GREB1L: variants seen among roughly 807,000 people sequenced by gnomAD.
The protein encoded by GREB1L is GREB1 like retinoic acid receptor coactivator, also known as GREB1-like protein.
Under a neutral mutation model 200.8 loss-of-function variants are expected in GREB1L, and 17 were observed. The observed-to-expected ratio is 0.08, with a 90% CI of 0.06 to 0.13. The LOEUF (loss-of-function observed/expected upper bound fraction) is 0.13. GREB1L is among the 10% of genes least tolerant of loss of function. The pLI is 1.00. For synonymous variants in GREB1L, 789 were observed against 893.0 expected, an observed-to-expected ratio of 0.88 and a Z score of 2.08; for missense variants, 1,657 against 2,367.7, an observed-to-expected ratio of 0.70 and a Z score of 6.23.
At chr18:21,274,327 C>T (rs1555623931) in intron 1 of GREB1L, among the ~76,000 whole-genome samples, 1 of 152,168 alleles carries the variant, frequency 6.6e-6, no homozygotes, top group Non-Finnish European at 1.5e-5. Flanking sequence ...AGGATTTCAA[C>T]ATATGAATTT....
intron 1 of GREB1L, among the ~76,000 whole-genome samples, chr18:21,347,739 G>GCCACCATGC (rs1352095644): frequency 2.0e-5 from 3 of 147,308 alleles, no homozygotes; most frequent in Non-Finnish European, 4.5e-5. Context: ...TTAGGCGTGA[G>GCCACCATGC]CCACCATGCC....
chr18:21,358,749 A>G (rs1343388654), intron 1 of GREB1L, among the ~76,000 whole-genome samples: 2 of 152,262 alleles, frequency 1.3e-5, no homozygotes, highest in African/African-American at 2.4e-5. Context: ...TACACTGCTC[A>G]GGTGACGGGT....
At chr18:21,419,791 G>C (rs2031990166) in intron 7 of GREB1L, among the ~76,000 whole-genome samples, 1 of 152,166 alleles carries the variant, frequency 6.6e-6, no homozygotes, top group African/African-American at 2.4e-5. Flanking sequence ...ATGCAATGAA[G>C]AACGGATAGC....
chr18:21,329,956 A>G (rs1265955713), intron 1 of GREB1L, among the ~76,000 whole-genome samples: 3 of 115,286 alleles, frequency 2.6e-5, no homozygotes, highest in Middle Eastern at 4.2e-3. Context: ...TTTACCCACA[A>G]TGGTTTTTTT....
At chr18:21,257,119 A>G (rs1025712736) in intron 1 of GREB1L, among the ~76,000 whole-genome samples, 5 of 151,862 alleles carry the variant, frequency 3.3e-5, no homozygotes, top group African/African-American at 9.7e-5. Flanking sequence ...ATTAGTTGCT[A>G]CTATGCCCGG....
chr18:21,384,348 C>T lies in GREB1L; in HGVS notation c.300C>T (p.Ser100=), dbSNP rs1486350698. 2.6e-6 allele frequency: 4 copies of T among 1,551,652 alleles called. No individual in the cohort carries two copies. Among genetic ancestry groups the T allele is most frequent in the Non-Finnish European group, 3.5e-6 (4 of 1,146,946 alleles). The change falls in exon 4 of 33, where the codon AGC becomes AGT. Residue 100 remains serine (S), a synonymous_variant. Transcript: ENST00000424526. ...ATGAAGAAATGTCTGATTCAAACAG[C>T]CCACCAATTCCCTATTCACAAAAAC... ...EDDEEMSDSN[S]PPIPYSQKPA...
intron 1 of GREB1L, among the ~76,000 whole-genome samples, chr18:21,338,165 A>T (rs939289836): frequency 6.6e-6 from 1 of 152,094 alleles, no homozygotes; most frequent in African/African-American, 2.4e-5. Flanking sequence ...TATTTTCTTA[A>T]TCCATCAACC....
chr18:21,340,306 G>C (rs2039249356), intron 1 of GREB1L, among the ~76,000 whole-genome samples: 1 of 152,002 alleles, frequency 6.6e-6, no homozygotes, highest in Admixed American at 6.5e-5. Flanking sequence ...TGTAGTCCCA[G>C]CTACTTGGGA....
At chr18:21,295,400 C>G (rs149288529) in intron 1 of GREB1L, among the ~76,000 whole-genome samples, 1 of 152,232 alleles carries the variant, frequency 6.6e-6, no homozygotes, top group Non-Finnish European at 1.5e-5. Flanking sequence ...TGGACAGAGG[C>G]TTTGCTTTTC....
At chr18:21,428,710 C>CAA (rs2032861755) in intron 7 of GREB1L, among the ~76,000 whole-genome samples, 1 of 49,926 alleles carries the variant, frequency 2.0e-5, no homozygotes, top group Non-Finnish European at 3.2e-5. Flanking sequence ...CGGTTTATCT[C>CAA]TTTTTTTTTT....
intron 19 of GREB1L, among the ~76,000 whole-genome samples, chr18:21,494,622 A>G (rs2036473091): frequency 1.3e-5 from 2 of 152,154 alleles, no homozygotes; most frequent in Admixed American, 1.3e-4. Context: ...CTGTCTAAAA[A>G]AAAAAAAAAT....
At chr18:21,503,386 T>C (rs983586185) in intron 23 of GREB1L, among the ~76,000 whole-genome samples, 22 of 151,746 alleles carry the variant, frequency 1.4e-4, no homozygotes, top group Admixed American at 8.5e-4. Context: ...TTTGTATTTT[T>C]AGTAGAGGTG....
At chr18:21,330,296 G>T (rs1303504618) in intron 1 of GREB1L, among the ~76,000 whole-genome samples, 1 of 152,166 alleles carries the variant, frequency 6.6e-6, no homozygotes, top group Non-Finnish European at 1.5e-5. Context: ...TTTTCACAGG[G>T]TGCGTCCAGA....
At chr18:21,281,670 C>T (rs1394545745) in intron 1 of GREB1L, among the ~76,000 whole-genome samples, 1 of 152,258 alleles carries the variant, frequency 6.6e-6, no homozygotes, top group East Asian at 1.9e-4. Flanking sequence ...TGTATGAATA[C>T]ATAACATGAT....
chr18:21,250,187 G>T (rs1253264070), intron 1 of GREB1L, among the ~76,000 whole-genome samples: 1 of 152,102 alleles, frequency 6.6e-6, no homozygotes, highest in Non-Finnish European at 1.5e-5. Flanking sequence ...TGGGGGATTA[G>T]GTCAGAGAGG....
intron 1 of GREB1L, among the ~76,000 whole-genome samples, chr18:21,326,897 G>C (rs2039031054): frequency 6.6e-6 from 1 of 152,050 alleles, no homozygotes. Context: ...GGCACATGAA[G>C]CCTTTTGGTA....
At chr18:21,305,403 T>A (rs1488345842) in intron 1 of GREB1L, among the ~76,000 whole-genome samples, 1 of 152,220 alleles carries the variant, frequency 6.6e-6, no homozygotes, top group East Asian at 1.9e-4. Flanking sequence ...TCATTCTTGC[T>A]TGTCTCCATT....
At chr18:21,302,007 T>G (rs182717194) in intron 1 of GREB1L, among the ~76,000 whole-genome samples, 41 of 152,364 alleles carry the variant, frequency 2.7e-4, no homozygotes, top group African/African-American at 9.4e-4. Context: ...ATAGATACCC[T>G]GGTAGACATA....
intron 1 of GREB1L, among the ~76,000 whole-genome samples, chr18:21,249,374 G>A (rs1190498377): frequency 6.6e-6 from 1 of 152,114 alleles, no homozygotes; most frequent in African/African-American, 2.4e-5. Context: ...GCCCCATCCC[G>A]AGCTTACTGA....
Sources: allele counts gnomAD v4.1 joint callset (sites outside exome capture counted in the v4.1 genomes callset), GRCh38; gene constraint gnomAD v4.1.1; transcripts MANE v1.5; gene names NCBI Gene and HGNC (gene_info 2026-07-23, HGNC 2026-07-21).